Variants in PODXL observed in about 807,000 individuals in gnomAD.
PODXL encodes the protein podocalyxin.
A neutral mutation model predicts 48.9 loss-of-function variants in PODXL; 20 were observed. That is an observed-to-expected ratio of 0.41 (90% CI 0.29 to 0.59). The LOEUF (loss-of-function observed/expected upper bound fraction) is 0.59, where lower values mean the gene tolerates loss of function less well. PODXL is among the 20% of genes least tolerant of loss of function. The pLI, the probability that PODXL is intolerant of heterozygous loss-of-function variation, is 0.31. For missense variants in PODXL, 606 were observed against 675.1 expected, an observed-to-expected ratio of 0.90 and a Z score of 1.13; for synonymous variants, 295 against 287.4, an observed-to-expected ratio of 1.03 and a Z score of -0.27.
chr7:131,523,304 T>C lies in PODXL; in HGVS notation c.101-11871A>G, dbSNP rs1184957400. On this transcript the variant is annotated intron_variant, in intron 1 of 8. Coordinates refer to ENST00000378555, the MANE Select transcript of PODXL (RefSeq NM_001018111.3). Reference sequence around the variant, plus strand: ...AATCCAACACTACATAGAAAGGACATAATGACCAAGTGAGGCTCATCATGG... The same window carrying C: ...AATCCAACACTACATAGAAAGGACACAATGACCAAGTGAGGCTCATCATGG... 4.6e-5 allele frequency among the ~76,000 whole-genome samples: 7 copies of C among 152,166 alleles called. No homozygotes were observed. The East Asian group carries it at 1.2e-3, about 25-fold the overall frequency.
chr7:131,510,511 AAAAT>A (rs551667780), intron 2 of PODXL, among the ~76,000 whole-genome samples, 180 bp from the exon 3 acceptor site: 36 of 151,420 alleles, frequency 2.4e-4, no homozygotes, highest in East Asian at 5.9e-4. Flanking sequence ...CTCCATCTCA[AAAAT>A]AAATAAATAA....
chr7:131,504,200 C>A lies in PODXL; in HGVS notation c.*111G>T, dbSNP rs1797758725. 1.2e-6 allele frequency: 1 copy of A among 823,908 alleles called. No homozygotes were observed. 51.0% of individuals were successfully genotyped at this position (823,908 alleles called of 1,614,324 possible). A position where few individuals can be genotyped will look rare whatever the true frequency, so the allele number is the denominator to read the frequency against. ...GCCCTGGGGGGATTGGGAGGGGACA[C>A]CCCTCGGAGTTCACTCTCCCTCCCC... On this transcript the variant is annotated 3_prime_UTR_variant, in exon 9 of 9. Transcript: ENST00000378555.
chr7:131,529,643 A>G (rs980617420), intron 1 of PODXL, among the ~76,000 whole-genome samples: 1 of 151,850 alleles, frequency 6.6e-6, no homozygotes, highest in Non-Finnish European at 1.5e-5. Flanking sequence ...GGGGAGAGAC[A>G]GGCAAGATGA....
chr7:131,526,749 T>TTTTTTTC (rs1303870651), intron 1 of PODXL, among the ~76,000 whole-genome samples: 2 of 140,564 alleles, frequency 1.4e-5, no homozygotes, highest in African/African-American at 5.3e-5. Flanking sequence ...CTTTTTTTTT[T>TTTTTTTC]TTTTTTTTTT....
chr7:131,511,226 A>G lies in PODXL; in HGVS notation c.308T>C (p.Val103Ala), dbSNP rs1182288430. The G allele has an allele frequency of 1.2e-6, 2 of 1,613,408 alleles. No homozygotes were observed. Among genetic ancestry groups the G allele is most frequent in the Non-Finnish European group, 1.7e-6 (2 of 1,179,866 alleles). ...TTLAQQVSGP[V>A]NTTVARGGGS... ...GCCTCCTCTAGCCACGGTAGTGTTG[A>G]CTGGGCCTGAGACTTGCTGAGCCAG... The change falls in exon 2 of 9, where the codon GTC becomes GCC. Residue 103 changes from valine (V) to alanine (A), a missense_variant. By Grantham distance (64) the Val-to-Ala change is moderately conservative. Transcript: ENST00000378555.
chr7:131,526,739 C>CTTTTTTTTTTTTTTTT (rs57935236), intron 1 of PODXL, among the ~76,000 whole-genome samples: 7 of 90,498 alleles, frequency 7.7e-5, no homozygotes, highest in African/African-American at 3.1e-4. Context: ...CTTCCTTACT[C>CTTTTTTTTTTTTTTTT]TTTTTTTTTT....
chr7:131,506,387 C>A, intron 6 of PODXL, 66 bp from the exon 7 acceptor site: 1 of 1,546,480 alleles, frequency 6.5e-7, no homozygotes, highest in South Asian at 1.1e-5. Context: ...ACGGGGACTG[C>A]GCCCCAAGAG....
intron 5 of PODXL, 135 bp from the exon 6 acceptor site, chr7:131,506,861 G>A (rs1168592843): frequency 4.5e-6 from 4 of 885,150 alleles, no homozygotes; most frequent in Non-Finnish European, 7.1e-6. Context: ...GCCCCAGCTG[G>A]TGCTCCACGC....
chr7:131,521,317 C>T (rs933926742), intron 1 of PODXL, among the ~76,000 whole-genome samples: 2 of 147,696 alleles, frequency 1.4e-5, no homozygotes, highest in South Asian at 2.2e-4. Flanking sequence ...GGACAAAGTT[C>T]GTTAAGAAGA....
chr7:131,545,022 C>G (rs1029877076), intron 1 of PODXL, among the ~76,000 whole-genome samples: 2 of 152,172 alleles, frequency 1.3e-5, no homozygotes, highest in Non-Finnish European at 1.5e-5. Context: ...GGATCTAAAA[C>G]AGCACCGTGA....
chr7:131,512,859 G>A (rs1344583049), intron 1 of PODXL, among the ~76,000 whole-genome samples: 1 of 151,944 alleles, frequency 6.6e-6, no homozygotes, highest in Non-Finnish European at 1.5e-5. Flanking sequence ...TGGTAGTAAA[G>A]TAACTGGGCG....
chr7:131,554,166 C>G (rs1353317614), intron 1 of PODXL, among the ~76,000 whole-genome samples: 3 of 152,128 alleles, frequency 2.0e-5, no homozygotes, highest in African/African-American at 7.2e-5. Context: ...GGCGACCACA[C>G]CTTCAGAAGG....
intron 1 of PODXL, among the ~76,000 whole-genome samples, chr7:131,533,458 G>A (rs1429897984): frequency 2.0e-5 from 3 of 152,180 alleles, no homozygotes; most frequent in Admixed American, 6.5e-5. Flanking sequence ...CCCGGCACCC[G>A]CTGCTCCCTG....
rs1562902060 is a variant in PODXL at position 131,506,079 on chromosome 7, C to CGA, written c.1312-45_1312-44insTC. The CGA allele has an allele frequency of 3.1e-6, 5 of 1,587,560 alleles. No homozygotes were observed. In the African/African-American group the frequency reaches 6.7e-5, roughly 21 times the overall value. On this transcript the variant is annotated intron_variant, in intron 7 of 8. Transcript: ENST00000378555. Reference sequence around the variant, plus strand: ...AGAACAGGCTGGGGGCATCCTCTCTCCCTCAGCCCCCGGCTTCACTGTAGA... The same window carrying CGA: ...AGAACAGGCTGGGGGCATCCTCTCTCGACCTCAGCCCCCGGCTTCACTGTAGA...
At chr7:131,555,745 C>A (rs968374672) in intron 1 of PODXL, among the ~76,000 whole-genome samples, 4 of 152,204 alleles carry the variant, frequency 2.6e-5, no homozygotes, top group African/African-American at 9.6e-5. Context: ...TTAGAAAAAA[C>A]CTCTGCAAAC....
Position 131,506,619 on chromosome 7 carries a change from TG to T in PODXL, c.1208del (p.Pro403GlnfsTer26). The T allele has an allele frequency of 6.2e-7, 1 of 1,614,186 alleles. No homozygotes were observed. Among genetic ancestry groups the T allele is most frequent in the Non-Finnish European group, 8.5e-7 (1 of 1,180,022 alleles). Reference protein sequence around the residue: ...DKCGIRLASVPGSQTVVVKEI... With the variant: ...DKCGIRLASVXGSQTVVVKEI... ...CTTTGACGACCACGGTCTGACTTCCTGGAACAGATGCCAGCCGTATGCCGCA... is the reference window on the plus strand; with the variant it reads ...CTTTGACGACCACGGTCTGACTTCCTGAACAGATGCCAGCCGTATGCCGCA... On this transcript the variant is annotated frameshift_variant, in exon 6 of 9. Transcript: ENST00000378555. LOFTEE classifies it high-confidence loss of function.
chr7:131,524,347 A>AACACACACACACAC (rs1222175582), intron 1 of PODXL, among the ~76,000 whole-genome samples: 124 of 59,204 alleles, frequency 2.1e-3, no homozygotes, highest in African/African-American at 5.0e-3. Flanking sequence ...TTCAATAGGA[A>AACACACACACACAC]ACACACACAC....
chr7:131,551,771 C>T (rs1375946565), intron 1 of PODXL, among the ~76,000 whole-genome samples: 1 of 151,984 alleles, frequency 6.6e-6, no homozygotes, highest in Admixed American at 6.6e-5. Flanking sequence ...CCCGTCCCTA[C>T]TAAAAAATAC....
chr7:131,536,653 G>A (rs1180053941), intron 1 of PODXL, among the ~76,000 whole-genome samples: 2 of 152,042 alleles, frequency 1.3e-5, no homozygotes, highest in African/African-American at 2.4e-5. Context: ...TGTCCCCAGC[G>A]CCCCTCCCCC....
Sources: allele counts gnomAD v4.1 joint callset (sites outside exome capture counted in the v4.1 genomes callset), GRCh38; gene constraint gnomAD v4.1.1; transcripts MANE v1.5; gene names NCBI Gene and HGNC (gene_info 2026-07-23, HGNC 2026-07-21).